ZNRF3: variants seen among roughly 807,000 people sequenced by gnomAD.
ZNRF3 encodes E3 ubiquitin-protein ligase ZNRF3.
In ZNRF3, 23 loss-of-function variants were observed where a neutral mutation model predicts 72.5. The ratio of observed to expected loss-of-function variants is 0.32; its 90% CI spans 0.23 to 0.45. The LOEUF (loss-of-function observed/expected upper bound fraction) is 0.45. ZNRF3 is among the 20% of genes least tolerant of loss of function. ZNRF3 has a pLI of 1.00. For synonymous variants in ZNRF3, 610 were observed against 545.3 expected (o/e 1.12, Z -1.65); for missense variants, 1,169 against 1,272.1 (o/e 0.92, Z 1.23).
intron 1 of ZNRF3, among the ~76,000 whole-genome samples, chr22:28,909,768 T>TTTTG (rs1218766731): frequency 6.6e-6 from 1 of 150,476 alleles, no homozygotes. Context: ...TTTTTTTTTT[T>TTTTG]TGGTGGTAGG....
chr22:28,883,611 C>T lies in ZNRF3; in HGVS notation c.-156C>T. Reference sequence around the variant, plus strand: ...TGGAGCAGATGAAAGGGCCGCGGCGCGACGGCCGGGGGAGCCGAGCTGAGC... The same window carrying T: ...TGGAGCAGATGAAAGGGCCGCGGCGTGACGGCCGGGGGAGCCGAGCTGAGC... On this transcript the variant is annotated 5_prime_UTR_variant, in exon 1 of 9. Transcript: ENST00000544604. This position sits in a 1 kb window ranked among gnomAD's most constrained non-coding sequence, Gnocchi z 5.5. 8.0e-6 allele frequency: 6 copies of T among 747,412 alleles called. No individual in the cohort carries two copies. The highest frequency in any genetic ancestry group is 9.8e-6 in the Non-Finnish European group (6 of 612,300). The allele number at this position is 747,412 out of a possible 1,614,324, so 46.3% of individuals were successfully genotyped here. A position where few individuals can be genotyped will look rare whatever the true frequency, so the allele number is the denominator to read the frequency against.
chr22:28,945,206 A>G (rs959501469), intron 1 of ZNRF3, among the ~76,000 whole-genome samples: 6 of 151,870 alleles, frequency 4.0e-5, no homozygotes, highest in African/African-American at 1.4e-4. Flanking sequence ...AAGGATGTTC[A>G]CTAACATGTT....
chr22:29,040,303 C>G (rs939283128), intron 2 of ZNRF3, among the ~76,000 whole-genome samples: 4 of 152,040 alleles, frequency 2.6e-5, no homozygotes, highest in African/African-American at 9.7e-5. Flanking sequence ...CCTCAGCCTC[C>G]CGAGTAACTG....
intron 2 of ZNRF3, among the ~76,000 whole-genome samples, chr22:28,999,643 T>C (rs930960360): frequency 6.6e-6 from 1 of 152,208 alleles, no homozygotes; most frequent in African/African-American, 2.4e-5. Context: ...CATCTGGCCA[T>C]GCACATACGT....
intron 1 of ZNRF3, among the ~76,000 whole-genome samples, chr22:28,936,216 C>T (rs2034817614): frequency 1.3e-5 from 2 of 152,142 alleles, no homozygotes; most frequent in South Asian, 2.1e-4. Flanking sequence ...ATGGTCTCCT[C>T]TCTGCACTCC....
intron 1 of ZNRF3, among the ~76,000 whole-genome samples, chr22:28,984,291 C>T (rs2035816215): frequency 1.3e-5 from 2 of 152,132 alleles, no homozygotes; most frequent in South Asian, 4.1e-4. Flanking sequence ...GCCCTGTACC[C>T]ATTGAACAGT....
At chr22:29,020,489 A>G (rs893708921) in intron 2 of ZNRF3, among the ~76,000 whole-genome samples, 3 of 151,548 alleles carry the variant, frequency 2.0e-5, no homozygotes, top group African/African-American at 7.3e-5. Flanking sequence ...TTAAACTCCT[A>G]GACTCAGGCA....
chr22:28,944,353 T>TAGTTTATA, intron 1 of ZNRF3, among the ~76,000 whole-genome samples: 1 of 152,248 alleles, frequency 6.6e-6, no homozygotes, highest in South Asian at 2.1e-4. Context: ...CTGAGTGCAG[T>TAGTTTATA]GGCTCACACC....
intron 2 of ZNRF3, among the ~76,000 whole-genome samples, chr22:29,024,606 C>T (rs1021744404): frequency 5.3e-5 from 8 of 152,076 alleles, no homozygotes; most frequent in Non-Finnish European, 1.2e-4. Context: ...CCTAGTATAA[C>T]TACTAGAACA....
chr22:28,886,297 A>T (rs2033785013), intron 1 of ZNRF3, among the ~76,000 whole-genome samples: 1 of 152,222 alleles, frequency 6.6e-6, no homozygotes, highest in African/African-American at 2.4e-5. Context: ...AAGGCTGATG[A>T]TGTTTTAGGG....
intron 2 of ZNRF3, among the ~76,000 whole-genome samples, chr22:29,028,816 A>C (rs776737847): frequency 2.0e-5 from 3 of 152,108 alleles, no homozygotes; most frequent in Non-Finnish European, 2.9e-5. Context: ...TCCCTCTTGG[A>C]GTCTCAGTAC....
intron 1 of ZNRF3, among the ~76,000 whole-genome samples, chr22:28,971,117 A>G (rs578117965): frequency 1.3e-5 from 2 of 152,260 alleles, no homozygotes; most frequent in South Asian, 2.1e-4. Context: ...TGAGCCCAGG[A>G]GTTTGAGGCT....
intron 2 of ZNRF3, among the ~76,000 whole-genome samples, chr22:29,018,788 A>G (rs369953160): frequency 6.6e-6 from 1 of 152,310 alleles, no homozygotes; most frequent in East Asian, 1.9e-4. Context: ...GTGAGGTAGC[A>G]TGGCCCTGTG....
chr22:29,009,618 A>G (rs914460287), intron 2 of ZNRF3, among the ~76,000 whole-genome samples: 2 of 152,204 alleles, frequency 1.3e-5, no homozygotes, highest in Non-Finnish European at 2.9e-5. Flanking sequence ...GTAATGTATT[A>G]GAGACCTTAA....
chr22:29,047,043 G>A (rs1298734198), intron 6 of ZNRF3, among the ~76,000 whole-genome samples, 160 bp downstream of exon 6: 1 of 152,176 alleles, frequency 6.6e-6, no homozygotes. Context: ...ACTTAGCTGG[G>A]TGTTTTTACT....
At position 28,883,603 on chromosome 22, in the gene ZNRF3, C is replaced by A. The variant is rs2033706295; in HGVS notation, c.-164C>A. 1 of 679,488 alleles carries A rather than the reference C, an allele frequency of 1.5e-6. No homozygotes were observed. Among genetic ancestry groups the A allele is most frequent in the Non-Finnish European group, 1.8e-6 (1 of 550,572 alleles). 42.1% of individuals were successfully genotyped at this position (679,488 alleles called of 1,614,324 possible). ...CCCTCACGTGGAGCAGATGAAAGGG[C>A]CGCGGCGCGACGGCCGGGGGAGCCG... On this transcript the variant is annotated 5_prime_UTR_variant, in exon 1 of 9. Coordinates refer to ENST00000544604, the MANE Select transcript of ZNRF3 (RefSeq NM_001206998.2). The surrounding 1 kb of genome is among the most constrained non-coding windows in gnomAD (Gnocchi z 5.5).
chr22:29,017,990 C>A, intron 2 of ZNRF3: 1 of 518,822 alleles, frequency 1.9e-6, no homozygotes. Flanking sequence ...TATGCAACAG[C>A]TGGAAGATGT....
intron 1 of ZNRF3, among the ~76,000 whole-genome samples, chr22:28,928,814 A>T (rs2034652446): frequency 6.6e-6 from 1 of 152,120 alleles, no homozygotes; most frequent in Non-Finnish European, 1.5e-5. Flanking sequence ...TCTTTTATAG[A>T]TGGCTTTAAA....
At chr22:28,907,732 G>A (rs571678544) in intron 1 of ZNRF3, among the ~76,000 whole-genome samples, 2 of 152,246 alleles carry the variant, frequency 1.3e-5, no homozygotes, top group South Asian at 4.1e-4. Flanking sequence ...AATCAGTGGG[G>A]ATGGTTATGT....
Sources: allele counts gnomAD v4.1 joint callset (sites outside exome capture counted in the v4.1 genomes callset), GRCh38; gene constraint gnomAD v4.1.1; non-coding constraint Gnocchi (gnomAD v3.1); transcripts MANE v1.5; gene names NCBI Gene and HGNC (gene_info 2026-07-23, HGNC 2026-07-21).